The following PARD3 variants were observed in gnomAD, a reference collection of about 807,000 sequenced individuals.
PARD3 encodes par-3 family cell polarity regulator, also known as partitioning defective 3 homolog.
A neutral mutation model predicts 155.4 loss-of-function variants in PARD3; 75 were observed. That is an observed-to-expected ratio of 0.48 (90% CI 0.40 to 0.58). The LOEUF is 0.58. Among genes scored for constraint, PARD3 ranks in the 20% least tolerant of loss-of-function variants. PARD3 has a pLI of 0.00. For missense variants in PARD3, 1,642 were observed against 1,721.7 expected, an observed-to-expected ratio of 0.95 and a Z score of 0.82; for synonymous variants, 576 against 610.5, an observed-to-expected ratio of 0.94 and a Z score of 0.83.
chr10:34,156,314 C>G (rs766102536), intron 22 of PARD3, among the ~76,000 whole-genome samples: 2 of 152,060 alleles, frequency 1.3e-5, no homozygotes, highest in Non-Finnish European at 2.9e-5. Context: ...CCAGGCAGGT[C>G]TCAGACTCCA....
chr10:34,258,001 G>C (rs768817655), intron 22 of PARD3, among the ~76,000 whole-genome samples: 1 of 152,142 alleles, frequency 6.6e-6, no homozygotes, highest in Non-Finnish European at 1.5e-5. Context: ...ACACCAAAGA[G>C]CCACGTAATT....
In PARD3 at chr10:34,283,168, G is replaced by A. The variant is rs1469509952; in HGVS notation, c.3176+967C>T. ...TAGTTATTTCATTCATTAAGTATTA[G>A]AGTAAAAGCAGCCTAGCTTTAGAAT... On this transcript the variant is annotated intron_variant, in intron 21 of 24. Coordinates refer to ENST00000374788, the MANE Select transcript of PARD3 (RefSeq NM_001184785.2). Among the ~76,000 whole-genome samples, 6 of 152,186 alleles carry A rather than the reference G, an allele frequency of 3.9e-5. No homozygotes were observed. In the East Asian group the frequency reaches 7.7e-4, roughly 20 times the overall value.
intron 1 of PARD3, among the ~76,000 whole-genome samples, chr10:34,797,939 G>A (rs1842452881): frequency 6.6e-6 from 1 of 152,148 alleles, no homozygotes; most frequent in South Asian, 2.1e-4. Flanking sequence ...AGAATTGAAT[G>A]ACTTCAAAAG....
intron 18 of PARD3, among the ~76,000 whole-genome samples, chr10:34,334,027 A>G (rs76429103): frequency 0.027 from 4,100 of 151,930 alleles, 175 homozygotes; most frequent in African/African-American, 0.094. Context: ...TGTACATAAA[A>G]TATATGGAAA....
intron 22 of PARD3, among the ~76,000 whole-genome samples, chr10:34,145,175 T>TTGTGTGTGTGTG (rs756883064): frequency 1.7e-5 from 2 of 115,128 alleles, no homozygotes; most frequent in Admixed American, 9.3e-5. Context: ...CAACTCTTCA[T>TTGTGTGTGTGTG]TGTGTGTGTG....
At chr10:34,792,026 C>T (rs1588769784) in intron 1 of PARD3, among the ~76,000 whole-genome samples, 1 of 152,264 alleles carries the variant, frequency 6.6e-6, no homozygotes, top group East Asian at 1.9e-4. Context: ...TCGGCCACCT[C>T]CCAGGATGCA....
chr10:34,674,478 ATTTTTT>A (rs11402018), intron 2 of PARD3, among the ~76,000 whole-genome samples: 3 of 79,528 alleles, frequency 3.8e-5, no homozygotes, highest in African/African-American at 5.1e-5. Context: ...CACGCTCTTG[ATTTTTT>A]TTTTTTTTTT....
At chr10:34,651,591 A>C (rs1034523459) in intron 2 of PARD3, among the ~76,000 whole-genome samples, 2 of 152,196 alleles carry the variant, frequency 1.3e-5, no homozygotes, top group African/African-American at 4.8e-5. Flanking sequence ...GACAAAAACC[A>C]TAAGCACTGC....
At chr10:34,574,398 T>C (rs909422238) in intron 2 of PARD3, among the ~76,000 whole-genome samples, 1 of 152,230 alleles carries the variant, frequency 6.6e-6, no homozygotes, top group Non-Finnish European at 1.5e-5. Flanking sequence ...CCATAATTCC[T>C]GTGTCCTCCA....
intron 1 of PARD3, among the ~76,000 whole-genome samples, chr10:34,710,200 A>G (rs754518781): frequency 9.2e-5 from 14 of 152,200 alleles, no homozygotes; most frequent in Admixed American, 2.0e-4. Context: ...GAACACATTC[A>G]ATCAATTAAA....
At chr10:34,358,749 G>C (rs1839150307) in intron 14 of PARD3, among the ~76,000 whole-genome samples, 1 of 152,158 alleles carries the variant, frequency 6.6e-6, no homozygotes, top group East Asian at 1.9e-4. Context: ...GGCTTTGTAA[G>C]AGGCATCCCA....
At chr10:34,180,236 G>A (rs1163224800) in intron 22 of PARD3, among the ~76,000 whole-genome samples, 2 of 152,050 alleles carry the variant, frequency 1.3e-5, no homozygotes, top group African/African-American at 2.4e-5. Flanking sequence ...TAGTAGAGAC[G>A]GGGTTTCACC....
intron 2 of PARD3, among the ~76,000 whole-genome samples, chr10:34,640,504 C>T (rs2092635605): frequency 6.6e-6 from 1 of 151,534 alleles, no homozygotes; most frequent in African/African-American, 2.4e-5. Flanking sequence ...ATAGTCCCAG[C>T]TACTCAGGGG....
chr10:34,372,473 A>G, intron 12 of PARD3, 25 bp downstream of exon 12: 1 of 1,577,448 alleles, frequency 6.3e-7, no homozygotes, highest in Non-Finnish European at 8.7e-7. Context: ...ACATCTCTGC[A>G]TCCTTCAAAA....
chr10:34,440,374 G>C (rs1002333033), intron 5 of PARD3, among the ~76,000 whole-genome samples: 1 of 152,160 alleles, frequency 6.6e-6, no homozygotes, highest in Admixed American at 6.5e-5. Flanking sequence ...GGAATAAAGA[G>C]AGTTATAGTA....
intron 4 of PARD3, among the ~76,000 whole-genome samples, chr10:34,458,284 C>T (rs1279831894): frequency 6.6e-6 from 1 of 152,050 alleles, no homozygotes; most frequent in African/African-American, 2.4e-5. Flanking sequence ...CTCACTGAAG[C>T]CTCAACCTCC....
At position 34,470,389 on chromosome 10, in the gene PARD3, G is replaced by A. The variant is rs1160927783; in HGVS notation, c.404-126C>T. ...TACACTTTTGTAAAAGGGGACAAGT[G>A]GGTCAGTATTCTAAACACAAATTCC... On this transcript the variant is annotated intron_variant, in intron 3 of 24. Coordinates refer to ENST00000374788, the MANE Select transcript of PARD3 (RefSeq NM_001184785.2). 3 of 636,750 alleles carry A rather than the reference G, an allele frequency of 4.7e-6. No homozygotes were observed. In the African/African-American group the frequency reaches 5.6e-5, roughly 12 times the overall value. 39.4% of individuals were successfully genotyped at this position (636,750 alleles called of 1,614,324 possible).
chr10:34,793,202 T>G (rs1043401851), intron 1 of PARD3, among the ~76,000 whole-genome samples: 3 of 151,732 alleles, frequency 2.0e-5, no homozygotes, highest in Non-Finnish European at 4.4e-5. Flanking sequence ...GCAGTGCAGA[T>G]GAAAAAATGG....
rs985879274 is a variant in PARD3 at position 34,608,185 on chromosome 10, A to G, written c.222+88133T>C. Among the ~76,000 whole-genome samples, 3 of 152,190 alleles carry G rather than the reference A, an allele frequency of 2.0e-5. No individual in the cohort carries two copies. In the East Asian group the frequency reaches 5.8e-4, roughly 29 times the overall value. On this transcript the variant is annotated intron_variant, in intron 2 of 24. Coordinates refer to ENST00000374788, the MANE Select transcript of PARD3 (RefSeq NM_001184785.2). ...TGCAGCCATCAGAGCAGGGGATTTC[A>G]GTTCTTCTGAATTCCATGCTGGTAA...
Sources: gnomAD v4.1 joint callset for allele counts (sites outside exome capture counted in the v4.1 genomes callset) on GRCh38, gnomAD v4.1.1 for gene constraint, MANE v1.5 for transcripts, NCBI Gene and HGNC (gene_info 2026-07-23, HGNC 2026-07-21) for gene names.